MECOM: variants seen among roughly 807,000 people sequenced by gnomAD.
MECOM encodes the protein histone-lysine N-methyltransferase MECOM.
Under a neutral mutation model 116.3 loss-of-function variants are expected in MECOM, and 13 were observed. The observed-to-expected ratio is 0.11, with a 90% CI of 0.07 to 0.18. MECOM has a LOEUF of 0.18. MECOM is among the 10% of genes least tolerant of loss of function. The pLI is 1.00. For missense variants in MECOM, 1,299 were observed against 1,509.0 expected, an observed-to-expected ratio of 0.86 and a Z score of 2.31; for synonymous variants, 528 against 535.2, an observed-to-expected ratio of 0.99 and a Z score of 0.19.
At chr3:169,304,142 A>G (rs973650148) in intron 2 of MECOM, among the ~76,000 whole-genome samples, 8 of 152,362 alleles carry the variant, frequency 5.3e-5, no homozygotes, top group East Asian at 1.9e-4. Flanking sequence ...TCAAATTATC[A>G]GTATAGTTTT....
At chr3:169,443,346 C>T (rs1055349166) in intron 1 of MECOM, among the ~76,000 whole-genome samples, 4 of 151,936 alleles carry the variant, frequency 2.6e-5, no homozygotes, top group Non-Finnish European at 2.9e-5. Context: ...GTGTTTAAGG[C>T]GCTGCACTAC....
intron 1 of MECOM, among the ~76,000 whole-genome samples, chr3:169,662,803 C>T (rs904849031): frequency 6.6e-6 from 1 of 152,068 alleles, no homozygotes; most frequent in African/African-American, 2.4e-5. Flanking sequence ...CTGTGGCTCC[C>T]TCTGAGCCGC....
At chr3:169,160,707 G>A (rs1390919096) in intron 2 of MECOM, among the ~76,000 whole-genome samples, 1 of 151,722 alleles carries the variant, frequency 6.6e-6, no homozygotes, top group African/African-American at 2.4e-5. Context: ...AAAAAAGGCT[G>A]AATGCTTGAA....
At chr3:169,090,299 C>T in intron 14 of MECOM, 63 bp from the exon 15 acceptor site, 3 of 1,433,472 alleles carry the variant, frequency 2.1e-6, no homozygotes, top group South Asian at 1.3e-5. Context: ...GTAATTTGTT[C>T]CTTTATTATG....
chr3:169,435,350 G>A (rs1013405739), intron 1 of MECOM, among the ~76,000 whole-genome samples: 9 of 152,070 alleles, frequency 5.9e-5, no homozygotes, highest in African/African-American at 1.9e-4. Flanking sequence ...TGTACTATCG[G>A]CTCATACATC....
intron 1 of MECOM, among the ~76,000 whole-genome samples, chr3:169,530,843 A>G (rs1052297464): frequency 6.6e-5 from 10 of 152,100 alleles, no homozygotes; most frequent in African/African-American, 1.9e-4. Flanking sequence ...ACTCATAGTA[A>G]TAGTTTTAAT....
intron 1 of MECOM, among the ~76,000 whole-genome samples, chr3:169,488,574 A>G (rs1369844497): frequency 3.3e-5 from 5 of 151,860 alleles, no homozygotes. Context: ...AAAAGTAATA[A>G]AAACACTATT....
At chr3:169,512,283 C>A (rs1756066753) in intron 1 of MECOM, among the ~76,000 whole-genome samples, 2 of 152,154 alleles carry the variant, frequency 1.3e-5, no homozygotes, top group Admixed American at 6.5e-5. Flanking sequence ...ACTTCCAGGC[C>A]TCCTACTTAC....
At chr3:169,369,886 T>C (rs1729803940) in intron 2 of MECOM, among the ~76,000 whole-genome samples, 1 of 152,062 alleles carries the variant, frequency 6.6e-6, no homozygotes, top group East Asian at 1.9e-4. Context: ...ACATTTGTTA[T>C]TATATTACAT....
At chr3:169,568,091 G>A (rs144597999) in intron 1 of MECOM, among the ~76,000 whole-genome samples, 306 of 152,196 alleles carry the variant, frequency 2.0e-3, no homozygotes, top group African/African-American at 6.7e-3. Context: ...AGGATGGGGC[G>A]TCACCTCACC....
chr3:169,115,311 C>T, intron 8 of MECOM, 72 bp downstream of exon 8: 1 of 1,452,838 alleles, frequency 6.9e-7, no homozygotes. Context: ...TGTTAAAAAG[C>T]CATCACTTTA....
chr3:169,230,203 A>G (rs1185791176), intron 2 of MECOM, among the ~76,000 whole-genome samples: 1 of 152,010 alleles, frequency 6.6e-6, no homozygotes, highest in Non-Finnish European at 1.5e-5. Context: ...ACCTCTGTCT[A>G]CCATCTTGGC....
chr3:169,642,060 T>A (rs1046480496), intron 1 of MECOM, among the ~76,000 whole-genome samples: 2 of 152,230 alleles, frequency 1.3e-5, no homozygotes, highest in Admixed American at 6.5e-5. Flanking sequence ...ATAAGGCATT[T>A]AATGAATTGC....
At chr3:169,462,984 A>T (rs1309369941) in intron 1 of MECOM, among the ~76,000 whole-genome samples, 1 of 152,208 alleles carries the variant, frequency 6.6e-6, no homozygotes, top group East Asian at 1.9e-4. Flanking sequence ...AGCCCAGTTC[A>T]ATAGGACAAA....
At chr3:169,543,754 A>G in intron 1 of MECOM, among the ~76,000 whole-genome samples, 1 of 152,348 alleles carries the variant, frequency 6.6e-6, no homozygotes, top group East Asian at 1.9e-4. Flanking sequence ...TAAGATAATT[A>G]TATTTTACAA....
intron 2 of MECOM, among the ~76,000 whole-genome samples, chr3:169,327,246 G>A (rs1721986859): frequency 6.6e-6 from 1 of 152,176 alleles, no homozygotes; most frequent in Non-Finnish European, 1.5e-5. Context: ...TTATGGTAAT[G>A]TACATATGGT....
intron 1 of MECOM, among the ~76,000 whole-genome samples, chr3:169,644,546 C>A (rs562208575): frequency 6.6e-6 from 1 of 152,142 alleles, no homozygotes; most frequent in South Asian, 2.1e-4. Flanking sequence ...GGTGAGCCAC[C>A]ACACCCGGCC....
At position 169,116,579 on chromosome 3, in the gene MECOM, G is replaced by C. The variant is rs1387015338; in HGVS notation, c.1293C>G (p.Asn431Lys). ...CAAAAAATCCACCTGCCGCAAAATG[G>C]TTCTTGCCCTCACAAAACCTCCTGT... ...NKHRRFCEGK[N>K]HFAAGGFFGQ... Residue 431 changes from asparagine to lysine, a missense_variant, in exon 8 of 17, where the codon AAC becomes AAG. Asn to Lys is a moderately conservative substitution (Grantham distance 94). Around this residue, in one of 6 missense-constraint regions of MECOM, gnomAD observed 238 missense variants for 273.1 expected, o/e 0.87. Transcript: ENST00000651503. The C allele has an allele frequency of 1.2e-6, 2 of 1,614,038 alleles. No individual in the cohort carries two copies. Among genetic ancestry groups the C allele is most frequent in the Non-Finnish European group, 1.7e-6 (2 of 1,180,022 alleles).
chr3:169,662,452 C>T (rs75320268), intron 1 of MECOM, among the ~76,000 whole-genome samples: 3,221 of 152,290 alleles, frequency 0.021, 109 homozygotes, highest in African/African-American at 0.073. Flanking sequence ...GTGCCCTCCA[C>T]TCCCGGCTCT....
Sources: allele counts gnomAD v4.1 joint callset (sites outside exome capture counted in the v4.1 genomes callset), GRCh38; gene constraint gnomAD v4.1.1; regional missense constraint gnomAD v4.1.1; transcripts MANE v1.5; gene names NCBI Gene and HGNC (gene_info 2026-07-23, HGNC 2026-07-21).